TGFB1: variants seen among roughly 807,000 people sequenced by gnomAD.
The protein encoded by TGFB1 is transforming growth factor beta-1 proprotein.
In TGFB1, 19 loss-of-function variants were observed where a neutral mutation model predicts 43.8. The observed-to-expected ratio is 0.43, with a 90% CI of 0.30 to 0.64. The LOEUF is 0.64. TGFB1 is among the 30% of genes least tolerant of loss of function. The pLI is 0.11. For missense variants in TGFB1, 445 were observed against 529.8 expected (o/e 0.84, Z 1.57); for synonymous variants, 221 against 236.3 (o/e 0.94, Z 0.60).
rs766221068 is a variant in TGFB1 at position 41,344,805 on chromosome 19, C to T, written c.576G>A (p.Ser192=). 14 of 1,612,718 alleles carry T rather than the reference C, an allele frequency of 8.7e-6. No homozygotes were observed. The East Asian group carries it at 1.1e-4, about 13-fold the overall frequency. The part of the protein sequence containing the change: ...LSNRLLAPSD[S]PEWLSFDVTG... ...TGACATCAAAAGATAACCACTCTGG[C>T]GAGTCGCTGGGTGCCAGCAGCCGGT... Residue 192 remains serine (S), a synonymous_variant, in exon 3 of 7, where the codon TCG becomes TCA. Transcript: ENST00000221930.
At position 41,352,866 on chromosome 19, in the gene TGFB1, G is replaced by T; in HGVS notation, c.179C>A (p.Ala60Asp). ...CACCTCCCCCTGGCTCGGGGGGCTGGCGAGCCGCAGCTTGGACAGGATCTG... is the reference window on the plus strand; with the variant it reads ...CACCTCCCCCTGGCTCGGGGGGCTGTCGAGCCGCAGCTTGGACAGGATCTG... ...RGQILSKLRL[A>D]SPPSQGEVPP... The change falls in exon 1 of 7, where the codon GCC (alanine) becomes GAC (aspartate). Residue 60 changes from alanine (A) to aspartate (D), a missense_variant. Coordinates refer to ENST00000221930, the MANE Select transcript of TGFB1 (RefSeq NM_000660.7). 6.4e-7 allele frequency: 1 copy of T among 1,563,138 alleles called. No homozygotes were observed. The highest frequency in any genetic ancestry group is 8.7e-7 in the Non-Finnish European group (1 of 1,155,680).
In TGFB1 at chr19:41,353,309, G is replaced by C. The variant is rs2038239567; in HGVS notation, c.-265C>G. The C allele has an allele frequency of 2.1e-6, 1 of 467,970 alleles. No individual in the cohort carries two copies. The highest frequency in any genetic ancestry group is 3.8e-6 in the Non-Finnish European group (1 of 265,726). 29.0% of individuals were successfully genotyped at this position (467,970 alleles called of 1,614,324 possible). A position where few individuals can be genotyped will look rare whatever the true frequency, so the allele number is the denominator to read the frequency against. On this transcript the variant is annotated 5_prime_UTR_variant, in exon 1 of 7. Coordinates refer to ENST00000221930, the MANE Select transcript of TGFB1 (RefSeq NM_000660.7). The surrounding 1 kb of genome is among the most constrained non-coding windows in gnomAD (Gnocchi z 5.9). Reference sequence around the variant, plus strand: ...TGAATAGGGGATCTGTGGCAGGTCGGAGAGAGATCCGTCTCCTGGAGGAGA... The same window carrying C: ...TGAATAGGGGATCTGTGGCAGGTCGCAGAGAGATCCGTCTCCTGGAGGAGA...
chr19:41,344,978 C>G, intron 2 of TGFB1, 114 bp from the exon 3 acceptor site: 1 of 973,854 alleles, frequency 1.0e-6, no homozygotes, highest in Non-Finnish European at 1.6e-6. Context: ...CCAGAAAGTT[C>G]CCAGGCACTA....
chr19:41,337,203 G>A (rs1310424080), intron 5 of TGFB1, among the ~76,000 whole-genome samples: 3 of 151,936 alleles, frequency 2.0e-5, no homozygotes, highest in Non-Finnish European at 2.9e-5. Context: ...GTGCAATGGC[G>A]CGACCTCGGC....
At chr19:41,339,709 A>G (rs2038031806) in intron 5 of TGFB1, among the ~76,000 whole-genome samples, 1 of 152,142 alleles carries the variant, frequency 6.6e-6, no homozygotes, top group Non-Finnish European at 1.5e-5. Context: ...CTGTAATCCC[A>G]GCTACTCAGG....
chr19:41,331,330 C>A (rs1046913979), intron 6 of TGFB1, 120 bp from the exon 7 acceptor site: 10 of 1,214,444 alleles, frequency 8.2e-6, no homozygotes, highest in Non-Finnish European at 1.1e-5. Flanking sequence ...TCCCCGCATC[C>A]CCTCTTCCCA....
Position 41,348,343 on chromosome 19 carries a change from A to C in TGFB1, c.468T>G (p.Arg156=). ...EPVLLSRAEL[R]LLRLKLKVEQ... ...CCACTTTTAACTTGAGCCTCAGCAG[A>C]CGCAGCTCTGCCCGGGAGAGCAACA... The change falls in exon 2 of 7, where the codon CGT becomes CGG. Residue 156 remains arginine (R), a synonymous_variant. Coordinates refer to ENST00000221930, the MANE Select transcript of TGFB1 (RefSeq NM_000660.7). 1 of 1,613,658 alleles carries C rather than the reference A, an allele frequency of 6.2e-7. No individual in the cohort carries two copies. Among genetic ancestry groups the C allele is most frequent in the Non-Finnish European group, 8.5e-7 (1 of 1,179,870 alleles).
chr19:41,348,486 G>A lies in TGFB1; in HGVS notation c.356-31C>T, dbSNP rs543259073. On this transcript the variant is annotated intron_variant, in intron 1 of 6. Coordinates refer to ENST00000221930, the MANE Select transcript of TGFB1 (RefSeq NM_000660.7). ...AGGGAGAAATGAAGGGAGGCGATCA[G>A]GGGTTTGGCAGAGGTGAGGGGAGCT... 8 of 1,609,234 alleles carry A rather than the reference G, an allele frequency of 5.0e-6. No homozygotes were observed. In the East Asian group the frequency reaches 1.3e-4, roughly 27 times the overall value.
Position 41,348,334 on chromosome 19 carries a change from C to G in TGFB1, c.477G>C (p.Arg159Ser), listed in dbSNP as rs1173345956. 3 of 1,613,416 alleles carry G rather than the reference C, an allele frequency of 1.9e-6. No individual in the cohort carries two copies. The highest frequency in any genetic ancestry group is 4.5e-5 in the East Asian group (2 of 44,864). ...LLSRAELRLL[R>S]LKLKVEQHVE... The stretch of plus-strand genomic sequence containing the variant: ...CGTGCTGCTCCACTTTTAACTTGAG[C>G]CTCAGCAGACGCAGCTCTGCCCGGG... Residue 159 changes from arginine to serine, a missense_variant, in exon 2 of 7, where the codon AGG becomes AGC. This residue lies in a region of TGFB1 where 366 missense variants were observed against 428.8 expected (regional missense o/e 0.85). Coordinates refer to ENST00000221930, the MANE Select transcript of TGFB1 (RefSeq NM_000660.7).
intron 5 of TGFB1, among the ~76,000 whole-genome samples, chr19:41,334,209 T>C (rs1327331220): frequency 2.0e-5 from 3 of 151,844 alleles, no homozygotes; most frequent in Non-Finnish European, 4.4e-5. Flanking sequence ...ACCCCGTCTC[T>C]ACTAAAAATA....
At chr19:41,338,787 C>T (rs914535171) in intron 5 of TGFB1, among the ~76,000 whole-genome samples, 7 of 149,918 alleles carry the variant, frequency 4.7e-5, no homozygotes, top group South Asian at 2.1e-4. Context: ...TGCAGTGAGC[C>T]GAGACCGCAC....
intron 2 of TGFB1, 145 bp from the exon 3 acceptor site, chr19:41,345,009 T>C: frequency 4.0e-6 from 3 of 743,504 alleles, no homozygotes; most frequent in East Asian, 5.5e-5. Context: ...CAGCCACCTG[T>C]GTGGTCCTGT....
Position 41,347,827 on chromosome 19 carries a change from CAAAAA to C in TGFB1, c.516+463_516+467del, listed in dbSNP as rs58257608. ...TGGGCGACAGAGCAAGACTCCATCT[CAAAAA>C]AAAAAAAAAAAAAAAAAGAGGCCAG... On this transcript the variant is annotated intron_variant, in intron 2 of 6. Coordinates refer to ENST00000221930, the MANE Select transcript of TGFB1 (RefSeq NM_000660.7). 1.8e-4 allele frequency among the ~76,000 whole-genome samples: 12 copies of C among 65,670 alleles called. No homozygotes were observed. In the South Asian group the frequency reaches 4.0e-3, roughly 22 times the overall value. The allele number at this position is 65,670 out of a possible 152,430, so 43.1% of individuals were successfully genotyped here.
At chr19:41,352,655 C>A (rs767716931) in intron 1 of TGFB1, 35 bp downstream of exon 1, 7 of 1,607,218 alleles carry the variant, frequency 4.4e-6, no homozygotes, top group African/African-American at 1.3e-5. Flanking sequence ...CCCCTGGGGG[C>A]CCCCCTCCCG....
intron 2 of TGFB1, 78 bp downstream of exon 2, chr19:41,348,217 G>A (rs920407304): frequency 1.3e-4 from 202 of 1,565,792 alleles, no homozygotes; most frequent in Non-Finnish European, 1.6e-4. Flanking sequence ...GTAACCAGCC[G>A]ACCCACAGCC....
rs1045383308 is a variant in TGFB1 at position 41,330,672 on chromosome 19, G to A, written c.*380C>T. 1.1e-5 allele frequency: 2 copies of A among 180,226 alleles called. No homozygotes were observed. The highest frequency in any genetic ancestry group is 4.7e-5 in the African/African-American group (2 of 42,214). The allele number at this position is 180,226 out of a possible 1,614,324, so 11.2% of individuals were successfully genotyped here. A position where few individuals can be genotyped will look rare whatever the true frequency, so the allele number is the denominator to read the frequency against. ...GTGTTATCAGAGTCCCTGCATCTCA[G>A]AGTGTTGCTATGGTGACTGAATGAG... is the stretch of plus-strand genomic sequence containing the variant. On this transcript the variant is annotated 3_prime_UTR_variant, in exon 7 of 7. Transcript: ENST00000221930.
intron 5 of TGFB1, 138 bp downstream of exon 5, chr19:41,341,745 C>T: frequency 8.9e-7 from 1 of 1,127,564 alleles, no homozygotes; most frequent in South Asian, 1.3e-5. Flanking sequence ...ACCTCATCCC[C>T]TGAGCCCTCC....
At chr19:41,346,653 C>G (rs1328455273) in intron 2 of TGFB1, among the ~76,000 whole-genome samples, 2 of 152,180 alleles carry the variant, frequency 1.3e-5, no homozygotes, top group Non-Finnish European at 2.9e-5. Context: ...TCTGCAACAT[C>G]CAAAATAGTA....
intron 3 of TGFB1, 62 bp downstream of exon 3, chr19:41,344,685 A>G (rs1287494987): frequency 6.6e-7 from 1 of 1,518,130 alleles, no homozygotes; most frequent in Non-Finnish European, 9.1e-7. Context: ...AAGTGACCCC[A>G]GGACAAACAA....
Sources: gnomAD v4.1 joint callset for allele counts (sites outside exome capture counted in the v4.1 genomes callset) on GRCh38, gnomAD v4.1.1 for gene constraint, gnomAD v4.1.1 regional missense constraint, Gnocchi (gnomAD v3.1) non-coding constraint, MANE v1.5 for transcripts, NCBI Gene and HGNC (gene_info 2026-07-23, HGNC 2026-07-21) for gene names.